Variants in SNX8 observed in about 807,000 individuals in gnomAD.
SNX8 encodes the protein sorting nexin-8.
Under a neutral mutation model 51.6 loss-of-function variants are expected in SNX8, and 25 were observed. That is an observed-to-expected ratio of 0.48 (90% CI 0.35 to 0.68). The LOEUF is 0.68. Among genes scored for constraint, SNX8 ranks in the 30% least tolerant of loss-of-function variants. The pLI is 0.00. For synonymous variants in SNX8, 324 were observed against 277.0 expected (o/e 1.17, Z -1.68); for missense variants, 695 against 624.0 (o/e 1.11, Z -1.21).
At chr7:2,324,968 G>T (rs559917397) in intron 1 of SNX8, among the ~76,000 whole-genome samples, 2 of 147,810 alleles carry the variant, frequency 1.4e-5, no homozygotes, top group Non-Finnish European at 2.9e-5. Context: ...ATGTAGCCAG[G>T]CATGGTGGCA....
chr7:2,319,443 T>A (rs1796800966), intron 1 of SNX8, among the ~76,000 whole-genome samples: 1 of 147,456 alleles, frequency 6.8e-6, no homozygotes, highest in Non-Finnish European at 1.5e-5. Flanking sequence ...GCGCATCACC[T>A]GAGGTCAGAA....
chr7:2,272,119 A>G, intron 3 of SNX8, 148 bp from the exon 4 acceptor site: 1 of 1,122,852 alleles, frequency 8.9e-7, no homozygotes, highest in Non-Finnish European at 1.2e-6. Context: ...TGCTGCTCAG[A>G]CAATGGGTCT....
chr7:2,260,341 G>A (rs919569423), intron 7 of SNX8, among the ~76,000 whole-genome samples: 2 of 152,114 alleles, frequency 1.3e-5, no homozygotes, highest in Admixed American at 6.6e-5. Context: ...CAGGTGATCT[G>A]CCCATCTCAG....
chr7:2,332,891 AAAAG>A (rs1308842331), intron 1 of SNX8, among the ~76,000 whole-genome samples: 7 of 151,368 alleles, frequency 4.6e-5, no homozygotes, highest in East Asian at 1.9e-4. Flanking sequence ...AGAAAGAAAG[AAAAG>A]AAAGAAAGAA....
chr7:2,310,090 T>C, intron 1 of SNX8: 1 of 333,672 alleles, frequency 3.0e-6, no homozygotes, highest in Admixed American at 3.9e-5. Flanking sequence ...CGCAGGACTG[T>C]ATACGGCAGA....
intron 1 of SNX8, among the ~76,000 whole-genome samples, chr7:2,333,380 T>A (rs1202959298): frequency 6.6e-6 from 1 of 151,972 alleles, no homozygotes; most frequent in Non-Finnish European, 1.5e-5. Flanking sequence ...GCAAACATGG[T>A]GAAATCCCAT....
chr7:2,346,193 C>T (rs898473552), intron 1 of SNX8, among the ~76,000 whole-genome samples: 2 of 152,004 alleles, frequency 1.3e-5, no homozygotes, highest in Non-Finnish European at 2.9e-5. Context: ...ATGATGGCTT[C>T]CTCTGAGGAA....
At chr7:2,301,791 C>T (rs1796398692) in intron 1 of SNX8, among the ~76,000 whole-genome samples, 1 of 152,148 alleles carries the variant, frequency 6.6e-6, no homozygotes, top group Admixed American at 6.6e-5. Context: ...CCAGGCCCTG[C>T]CTCCAGCGTC....
At position 2,254,932 on chromosome 7, in the gene SNX8, C is replaced by T. The variant is rs1795138092; in HGVS notation, c.*124G>A. ...CGACCCGCAGGCGTGAGCTCCTCTG[C>T]TCCAGCTGCAGCACGGGGCGTGGCG... is the stretch of plus-strand genomic sequence containing the variant. On this transcript the variant is annotated 3_prime_UTR_variant, in exon 11 of 11. Transcript: ENST00000222990. 2.7e-6 allele frequency: 2 copies of T among 732,990 alleles called. No individual in the cohort carries two copies. The highest frequency in any genetic ancestry group is 1.6e-5 in the South Asian group (1 of 64,094). 45.4% of individuals were successfully genotyped at this position (732,990 alleles called of 1,614,324 possible).
intron 1 of SNX8, among the ~76,000 whole-genome samples, chr7:2,297,819 A>G (rs1796306067): frequency 6.6e-6 from 1 of 151,882 alleles, no homozygotes; most frequent in African/African-American, 2.4e-5. Context: ...GTTCTCACTT[A>G]TAAGTGAGAG....
chr7:2,341,190 G>GAAAGAAAAAGAAAAGA (rs1164677902), intron 1 of SNX8, among the ~76,000 whole-genome samples: 3 of 150,170 alleles, frequency 2.0e-5, no homozygotes, highest in Admixed American at 6.7e-5. Context: ...GAAAAGGAAA[G>GAAAGAAAAAGAAAAGA]AAAGAAAAAG....
intron 1 of SNX8, among the ~76,000 whole-genome samples, chr7:2,332,065 G>C (rs1269780311): frequency 6.6e-6 from 1 of 151,532 alleles, no homozygotes; most frequent in Non-Finnish European, 1.5e-5. Context: ...AAATTAAATG[G>C]GCATGTCGGC....
At position 2,340,519 on chromosome 7, in the gene SNX8, T is replaced by C. The variant is rs564771042; in HGVS notation, c.-66+13703A>G. On this transcript the variant is annotated intron_variant, in intron 1 of 5. Coordinates refer to the SNX8 transcript ENST00000435336. ...GTTATTCTAGGACACTCTATATTTTTACAGGTTCCTTTAGGACTACTGCAT... is the reference window on the plus strand; with the variant it reads ...GTTATTCTAGGACACTCTATATTTTCACAGGTTCCTTTAGGACTACTGCAT... Among the ~76,000 whole-genome samples, 3 of 151,980 alleles carry C rather than the reference T, an allele frequency of 2.0e-5. No homozygotes were observed. In the South Asian group the frequency reaches 6.2e-4, roughly 32 times the overall value.
intron 1 of SNX8, among the ~76,000 whole-genome samples, chr7:2,327,789 G>A (rs911923520): frequency 1.1e-4 from 17 of 152,100 alleles, no homozygotes; most frequent in Non-Finnish European, 2.2e-4. Context: ...TGATCCGCCC[G>A]CCTTGGCCTC....
intron 1 of SNX8, among the ~76,000 whole-genome samples, chr7:2,341,403 G>A (rs1442029285): frequency 1.3e-5 from 2 of 151,834 alleles, no homozygotes; most frequent in African/African-American, 4.8e-5. Flanking sequence ...GGAGGCTGAG[G>A]CAGGAGAATC....
chr7:2,345,367 A>G (rs1779001731), intron 1 of SNX8, among the ~76,000 whole-genome samples: 1 of 152,160 alleles, frequency 6.6e-6, no homozygotes, highest in South Asian at 2.1e-4. Context: ...AATGAACCAA[A>G]GGGGACAAAT....
chr7:2,270,424 C>T (rs1425095463), intron 4 of SNX8, among the ~76,000 whole-genome samples: 2 of 146,494 alleles, frequency 1.4e-5, no homozygotes, highest in Non-Finnish European at 3.0e-5. Flanking sequence ...CCCAGGGGTT[C>T]AGGGCCAGCC....
chr7:2,301,174 T>C (rs1033660251), intron 1 of SNX8, among the ~76,000 whole-genome samples: 12 of 152,188 alleles, frequency 7.9e-5, no homozygotes, highest in African/African-American at 2.7e-4. Flanking sequence ...AGGAAAACCA[T>C]CTGAAGAGGG....
intron 2 of SNX8, among the ~76,000 whole-genome samples, chr7:2,277,882 G>C (rs906389350): frequency 1.3e-5 from 2 of 152,062 alleles, no homozygotes; most frequent in Admixed American, 1.3e-4. Flanking sequence ...GTGACCAGGT[G>C]GGGACGTGGC....
Sources: allele counts gnomAD v4.1 joint callset (sites outside exome capture counted in the v4.1 genomes callset), GRCh38; gene constraint gnomAD v4.1.1; transcripts MANE v1.5; gene names NCBI Gene and HGNC (gene_info 2026-07-23, HGNC 2026-07-21).